KIF1B: variants seen among roughly 807,000 people sequenced by gnomAD.
KIF1B encodes the protein kinesin-like protein KIF1B.
Under a neutral mutation model 241.9 loss-of-function variants are expected in KIF1B, and 76 were observed. The ratio of observed to expected loss-of-function variants is 0.31; its 90% CI spans 0.26 to 0.38. The LOEUF is 0.38. Among genes scored for constraint, KIF1B ranks in the 10% least tolerant of loss-of-function variants. KIF1B has a pLI of 1.00. For synonymous variants in KIF1B, 750 were observed against 796.7 expected, an observed-to-expected ratio of 0.94 and a Z score of 0.99; for missense variants, 1,622 against 2,271.4, an observed-to-expected ratio of 0.71 and a Z score of 5.81.
intron 43 of KIF1B, among the ~76,000 whole-genome samples, chr1:10,367,788 G>A (rs1224459816): frequency 6.6e-6 from 1 of 151,914 alleles, no homozygotes; most frequent in Non-Finnish European, 1.5e-5. Flanking sequence ...GAGTGCAGTG[G>A]TATGATCTCA....
chr1:10,233,360 A>C (rs1376358744), intron 2 of KIF1B, among the ~76,000 whole-genome samples: 1 of 152,148 alleles, frequency 6.6e-6, no homozygotes, highest in East Asian at 1.9e-4. Flanking sequence ...TAATGCCTGT[A>C]ATCCCAGCAC....
Position 10,348,640 on chromosome 1 carries a change from A to T in KIF1B, c.3865-9A>T, listed in dbSNP as rs1319087823. 6.2e-7 allele frequency: 1 copy of T among 1,612,720 alleles called. No individual in the cohort carries two copies. The highest frequency in any genetic ancestry group is 8.5e-7 in the Non-Finnish European group (1 of 1,178,728). ...TTCAGCTAAATTGCAACCCTGCTTC[A>T]TTACCTAGGGCATCCAGCGAAGGAT... On this transcript the variant is annotated splice_polypyrimidine_tract_variant and intron_variant, in intron 36 of 48. Coordinates refer to ENST00000676179, the MANE Select transcript of KIF1B (RefSeq NM_001365951.3).
Position 10,246,708 on chromosome 1 carries a change from C to T in KIF1B, c.107-9539C>T, listed in dbSNP as rs952372436. ...GCAGTGAGCTGAGATCGTGCCACTG[C>T]ACTCTAGCCTGCTGGGCGACAGAGT... On this transcript the variant is annotated intron_variant, in intron 2 of 48. Coordinates refer to ENST00000676179, the MANE Select transcript of KIF1B (RefSeq NM_001365951.3). Among the ~76,000 whole-genome samples, 13 of 152,254 alleles carry T rather than the reference C, an allele frequency of 8.5e-5. No individual in the cohort carries two copies. In the East Asian group the frequency reaches 2.3e-3, roughly 27 times the overall value.
At chr1:10,270,816 C>G (rs1041160565) in intron 7 of KIF1B, among the ~76,000 whole-genome samples, 3 of 151,726 alleles carry the variant, frequency 2.0e-5, no homozygotes, top group African/African-American at 7.3e-5. Context: ...AGCTCAGCTA[C>G]TCGGGAGGCT....
At chr1:10,324,459 A>G (rs766230359) in intron 25 of KIF1B, among the ~76,000 whole-genome samples, 24 of 152,156 alleles carry the variant, frequency 1.6e-4, no homozygotes, top group Admixed American at 6.5e-4. Flanking sequence ...CCCCCGTCTC[A>G]GTGTATTTGA....
intron 1 of KIF1B, among the ~76,000 whole-genome samples, chr1:10,217,331 CTCTT>C (rs914969313): frequency 9.7e-5 from 14 of 144,256 alleles, no homozygotes; most frequent in African/African-American, 2.0e-4. Context: ...CTTGCTCTTA[CTCTT>C]TCTTTTTCTT....
In KIF1B at chr1:10,276,160, G is replaced by T. The variant is rs111560652; in HGVS notation, c.959-161G>T. ...TGACCTCTGGTGATCCGCCCACCTG[G>T]GTGAAAGAGTGAGACTCCCTCTCAA... On this transcript the variant is annotated intron_variant, in intron 11 of 48. Transcript: ENST00000676179. Among the ~76,000 whole-genome samples the T allele has an allele frequency of 7.8e-3, 1,187 of 151,646 alleles. 6 individuals are homozygous for T. The highest frequency in any genetic ancestry group is 0.017 in the Middle Eastern group (5 of 294).
chr1:10,244,762 A>G lies in KIF1B; in HGVS notation c.107-11485A>G, dbSNP rs553402515. On this transcript the variant is annotated intron_variant, in intron 2 of 48. Coordinates refer to ENST00000676179, the MANE Select transcript of KIF1B (RefSeq NM_001365951.3). ...CGAGTAGCTGGGACTACAGGCGCCC[A>G]CCACCACGCCTGGCTAATTTTTTGT... Among the ~76,000 whole-genome samples the G allele has an allele frequency of 2.3e-3, 344 of 151,396 alleles. 1 individual carries two copies. The highest frequency in any genetic ancestry group is 7.7e-3 in the African/African-American group (319 of 41,196).
intron 17 of KIF1B, among the ~76,000 whole-genome samples, chr1:10,293,698 T>G (rs1030465917): frequency 6.6e-6 from 1 of 152,116 alleles, no homozygotes; most frequent in Non-Finnish European, 1.5e-5. Context: ...GGCTGGAAAA[T>G]TTTTATTATA....
Position 10,381,199 on chromosome 1 carries a change from C to T in KIF1B, c.*4612C>T, listed in dbSNP as rs1007466867. The T allele has an allele frequency of 2.8e-4, 62 of 219,476 alleles. No individual in the cohort carries two copies. Among genetic ancestry groups the T allele is most frequent in the African/African-American group, 1.3e-3 (57 of 44,634 alleles). 13.6% of individuals were successfully genotyped at this position (219,476 alleles called of 1,614,324 possible). ...CTCAGCCTTCTTGTATTTAAGGCATCGTCTTAGACTTTGTGGCTCTAAAGT... is the reference window on the plus strand; with the variant it reads ...CTCAGCCTTCTTGTATTTAAGGCATTGTCTTAGACTTTGTGGCTCTAAAGT... On this transcript the variant is annotated 3_prime_UTR_variant, in exon 49 of 49. Transcript: ENST00000676179.
chr1:10,367,603 C>T (rs573378965), intron 43 of KIF1B, among the ~76,000 whole-genome samples: 35 of 150,112 alleles, frequency 2.3e-4, no homozygotes, highest in African/African-American at 7.4e-4. Flanking sequence ...GGTGCGATCT[C>T]GGCTCACTGC....
chr1:10,259,834 A>G (rs145108574), intron 4 of KIF1B, among the ~76,000 whole-genome samples: 5,458 of 151,392 alleles, frequency 0.036, 139 homozygotes, highest in African/African-American at 0.065. Context: ...GGGTCTCACC[A>G]TGTTGTCCAG....
In KIF1B at chr1:10,295,913, T is replaced by C. The variant is rs77456400; in HGVS notation, c.1777+147T>C. The C allele has an allele frequency of 5.1e-3, 3,743 of 734,102 alleles. 117 individuals are homozygous for C. In the African/African-American group the frequency reaches 0.059, roughly 12 times the overall value. The allele number at this position is 734,102 out of a possible 1,614,324, so 45.5% of individuals were successfully genotyped here. ...TGGAGAGACCTGGGCTGCTTATGAATGCAGAGATGGACAAGGCTGCTTTAC... is the reference window on the plus strand; with the variant it reads ...TGGAGAGACCTGGGCTGCTTATGAACGCAGAGATGGACAAGGCTGCTTTAC... On this transcript the variant is annotated intron_variant, in intron 19 of 48. Coordinates refer to ENST00000676179, the MANE Select transcript of KIF1B (RefSeq NM_001365951.3).
At chr1:10,267,011 C>A (rs762406027) in intron 5 of KIF1B, among the ~76,000 whole-genome samples, 2 of 150,096 alleles carry the variant, frequency 1.3e-5, no homozygotes, top group Non-Finnish European at 3.0e-5. Flanking sequence ...CTTTTTCTTT[C>A]TTTCTTTCTT....
chr1:10,228,363 TA>T (rs58072099), intron 1 of KIF1B, among the ~76,000 whole-genome samples: 51,029 of 150,658 alleles, frequency 0.34, 8,717 homozygotes, highest in Admixed American at 0.38. Flanking sequence ...ATGAAGTTTT[TA>T]AAAAAAAAAG....
intron 15 of KIF1B, among the ~76,000 whole-genome samples, chr1:10,284,454 G>A (rs1649587817): frequency 6.6e-6 from 1 of 152,188 alleles, no homozygotes; most frequent in Admixed American, 6.5e-5. Context: ...GGGAGGCTGA[G>A]GCAGGCAGAT....
At position 10,365,525 on chromosome 1, in the gene KIF1B, C is replaced by G; in HGVS notation, c.4629C>G (p.Thr1543=). The G allele has an allele frequency of 6.2e-7, 1 of 1,614,162 alleles. No homozygotes were observed. Among genetic ancestry groups the G allele is most frequent in the Non-Finnish European group, 8.5e-7 (1 of 1,180,040 alleles). ...GCAGTGGGACCCTCAGCACCTCCAC[C>G]AGTATCTCCTCTCAGATCTCAACCA... ...SLSSGTLSTS[T]SISSQISTTT... The change falls in exon 43 of 49, where the codon ACC becomes ACG. Residue 1543 remains threonine, a synonymous_variant. Coordinates refer to ENST00000676179, the MANE Select transcript of KIF1B (RefSeq NM_001365951.3). This position sits in a 1 kb window ranked among gnomAD's most constrained non-coding sequence, Gnocchi z 4.0.
intron 27 of KIF1B, among the ~76,000 whole-genome samples, chr1:10,328,376 C>T (rs554286521): frequency 7.6e-4 from 115 of 152,116 alleles, no homozygotes; most frequent in Non-Finnish European, 1.4e-3. Flanking sequence ...CTGGGTTTTC[C>T]AGTGGCAAAG....
Position 10,342,128 on chromosome 1 carries a change from C to G in KIF1B, c.3592C>G (p.Gln1198Glu), listed in dbSNP as rs1252305655. 1.9e-6 allele frequency: 3 copies of G among 1,613,228 alleles called. No homozygotes were observed. The highest frequency in any genetic ancestry group is 2.7e-5 in the African/African-American group (2 of 74,894). Residue 1198 changes from glutamine (Q) to glutamate (E), a missense_variant, in exon 33 of 49, where the codon CAG becomes GAG. Around this residue, in one of 7 missense-constraint regions of KIF1B, gnomAD observed 803 missense variants for 1,112.0 expected, o/e 0.72. Transcript: ENST00000676179. ...PIVFEVFGHY[Q>E]QHPLHLQGQE... ...TGTATTTGAAGTCTTTGGGCATTAT[C>G]AGCAGCACCCACTTCATCTGCAAGG...
Sources: allele counts gnomAD v4.1 joint callset (sites outside exome capture counted in the v4.1 genomes callset), GRCh38; gene constraint gnomAD v4.1.1; regional missense constraint gnomAD v4.1.1; non-coding constraint Gnocchi (gnomAD v3.1); transcripts MANE v1.5; gene names NCBI Gene and HGNC (gene_info 2026-07-23, HGNC 2026-07-21).